NAV1: variants seen among roughly 807,000 people sequenced by gnomAD.
The protein encoded by NAV1 is pore membrane and/or filament interacting like protein 3.
In NAV1, 18 loss-of-function variants were observed where a neutral mutation model predicts 175.2. That is an observed-to-expected ratio of 0.10 (90% CI 0.07 to 0.15). The LOEUF (loss-of-function observed/expected upper bound fraction) is 0.15, where lower values mean the gene tolerates loss of function less well. Among genes scored for constraint, NAV1 ranks in the 10% least tolerant of loss-of-function variants. The probability of loss-of-function intolerance (pLI) is 1.00; values close to 1 mark genes in which losing one functional copy is unlikely to be tolerated. For missense variants in NAV1, 1,731 were observed against 2,436.6 expected, an observed-to-expected ratio of 0.71 and a Z score of 6.10; for synonymous variants, 897 against 978.7, an observed-to-expected ratio of 0.92 and a Z score of 1.56.
intron 3 of NAV1, among the ~76,000 whole-genome samples, chr1:201,719,034 C>G (rs761719739): frequency 2.8e-4 from 42 of 151,798 alleles, no homozygotes; most frequent in Admixed American, 1.8e-3. Flanking sequence ...CATTCTGTCA[C>G]CCTCCTCCCT....
intron 28 of NAV1, among the ~76,000 whole-genome samples, chr1:201,815,091 C>A (rs1433335231): frequency 6.7e-6 from 1 of 149,692 alleles, no homozygotes; most frequent in Non-Finnish European, 1.5e-5. Flanking sequence ...ATGACTAAAG[C>A]GGAAACATTT....
At chr1:201,767,152 A>G (rs1675259841) in intron 3 of NAV1, among the ~76,000 whole-genome samples, 1 of 151,212 alleles carries the variant, frequency 6.6e-6, no homozygotes. Context: ...TAGTAGAAAC[A>G]TTTAAAAAAG....
intron 3 of NAV1, among the ~76,000 whole-genome samples, chr1:201,729,965 C>T (rs988484745): frequency 6.6e-6 from 1 of 152,082 alleles, no homozygotes; most frequent in African/African-American, 2.4e-5. Flanking sequence ...TAAATGTTAC[C>T]TCCATCCCTT....
chr1:201,547,710 A>G (rs1487700426), intron 1 of NAV1, among the ~76,000 whole-genome samples: 1 of 152,256 alleles, frequency 6.6e-6, no homozygotes, highest in African/African-American at 2.4e-5. Flanking sequence ...ATATGTAATG[A>G]TAGAAAAATA....
exon 1 of NAV1, chr1:201,648,540 T>G: frequency 8.0e-7 from 1 of 1,242,964 alleles, no homozygotes; most frequent in Non-Finnish European, 1.0e-6. Context: ...CTCCCCTTCT[T>G]CCTCGGTTTC....
At chr1:201,781,277 C>T in exon 5 of NAV1, 1 of 1,613,620 alleles carries the variant, frequency 6.2e-7, no homozygotes, top group Non-Finnish European at 8.5e-7. Flanking sequence ...TCCCCCATCA[C>T]TCACACAGCC....
At chr1:201,649,692 A>AT (rs1558036777) in intron 1 of NAV1, among the ~76,000 whole-genome samples, 1 of 151,926 alleles carries the variant, frequency 6.6e-6, no homozygotes, top group Admixed American at 6.6e-5. Context: ...GGACAATGGG[A>AT]TGGGGGGTGA....
chr1:201,809,482 T>C (rs765094319), exon 22 of NAV1: 2 of 1,614,126 alleles, frequency 1.2e-6, no homozygotes, highest in Non-Finnish European at 8.5e-7. Context: ...TGTAGCAAGG[T>C]CAGTGGAAAA....
At chr1:201,738,841 G>A (rs921749239) in intron 3 of NAV1, among the ~76,000 whole-genome samples, 9 of 152,130 alleles carry the variant, frequency 5.9e-5, no homozygotes, top group African/African-American at 1.7e-4. Flanking sequence ...TGTTTTTGTC[G>A]CTTAAAGAAA....
intron 1 of NAV1, among the ~76,000 whole-genome samples, chr1:201,568,895 C>G (rs1666447791): frequency 1.3e-5 from 2 of 152,068 alleles, no homozygotes; most frequent in Admixed American, 6.5e-5. Context: ...CGGGGGTCCT[C>G]TAGGTCAGTG....
At position 201,811,595 on chromosome 1, in the gene NAV1, T is replaced by C. The variant is rs1195383585; in HGVS notation, c.4798-8T>C. ...CAAGTGCTGACCCACAGCCTTCTTT[T>C]ATTCCAGGATCTGCAACTGTATCTT... On this transcript the variant is annotated splice_region_variant and splice_polypyrimidine_tract_variant and intron_variant, in intron 24 of 29. Coordinates refer to ENST00000367296, the Ensembl canonical transcript of NAV1. 8.1e-6 allele frequency: 13 copies of C among 1,614,120 alleles called. No individual in the cohort carries two copies. The South Asian group carries it at 1.3e-4, about 16-fold the overall frequency.
intron 1 of NAV1, among the ~76,000 whole-genome samples, chr1:201,674,445 G>A (rs1037686460): frequency 6.6e-6 from 1 of 152,082 alleles, no homozygotes; most frequent in African/African-American, 2.4e-5. Context: ...GTCATTGCTG[G>A]TACCAGGAGC....
chr1:201,605,187 G>A (rs1219820578), intron 2 of NAV1, among the ~76,000 whole-genome samples: 4 of 136,742 alleles, frequency 2.9e-5, no homozygotes, highest in South Asian at 4.6e-4. Flanking sequence ...CCATGCCTTT[G>A]TGTTGCCCCT....
chr1:201,562,112 C>A (rs1666218249), intron 1 of NAV1, among the ~76,000 whole-genome samples: 1 of 152,006 alleles, frequency 6.6e-6, no homozygotes, highest in Non-Finnish European at 1.5e-5. Flanking sequence ...TCAGGCGGTT[C>A]TCCCACCTTA....
intron 1 of NAV1, among the ~76,000 whole-genome samples, chr1:201,680,580 ACTCACC>A (rs908104815): frequency 2.0e-5 from 3 of 152,056 alleles, no homozygotes; most frequent in African/African-American, 7.2e-5. Flanking sequence ...TAGAGTGAGA[ACTCACC>A]CATTATAGAG....
chr1:201,614,907 C>T (rs964532667), intron 2 of NAV1, among the ~76,000 whole-genome samples: 3 of 152,192 alleles, frequency 2.0e-5, no homozygotes, highest in Non-Finnish European at 2.9e-5. Flanking sequence ...AGAACAATTA[C>T]AAGTTAATAT....
At chr1:201,572,089 C>T (rs1173254399) in intron 1 of NAV1, among the ~76,000 whole-genome samples, 1 of 152,208 alleles carries the variant, frequency 6.6e-6, no homozygotes, top group East Asian at 1.9e-4. Context: ...GTGTTTTACT[C>T]AGGTTCCTCA....
In NAV1 at chr1:201,807,730, T is replaced by C. The variant is rs1678391164; in HGVS notation, c.3649-223T>C. On this transcript the variant is annotated intron_variant, in intron 17 of 29. Transcript: ENST00000367296. The surrounding 1 kb of genome is among the most constrained non-coding windows in gnomAD (Gnocchi z 5.4). ...ACTCTGTTGCCAGGCTGGAGTGCAG[T>C]GGCTCGATCTCAGCTCACTGCAACC... Among the ~76,000 whole-genome samples, 1 of 152,220 alleles carries C rather than the reference T, an allele frequency of 6.6e-6. No homozygotes were observed. Among genetic ancestry groups the C allele is most frequent in the East Asian group, 1.9e-4 (1 of 5,198 alleles).
chr1:201,619,476 G>C (rs946929387), upstream of NAV1, among the ~76,000 whole-genome samples: 4 of 152,258 alleles, frequency 2.6e-5, no homozygotes, highest in South Asian at 2.1e-4. Context: ...CTCCCAGAAG[G>C]GATGGTCTAG....
Sources: gnomAD v4.1 joint callset for allele counts (sites outside exome capture counted in the v4.1 genomes callset) on GRCh38, gnomAD v4.1.1 for gene constraint, Gnocchi (gnomAD v3.1) non-coding constraint, MANE v1.5 for transcripts, NCBI Gene and HGNC (gene_info 2026-07-23, HGNC 2026-07-21) for gene names.